The following CEP112 variants were observed in gnomAD, a reference collection of about 807,000 sequenced individuals.
CEP112 encodes centrosomal protein of 112 kDa.
Under a neutral mutation model 153.0 loss-of-function variants are expected in CEP112, and 127 were observed. The observed-to-expected ratio is 0.83, with a 90% CI of 0.72 to 0.96. The LOEUF is 0.96. CEP112 is among the 40% of genes least tolerant of loss of function. The probability of loss-of-function intolerance (pLI) is 0.00; values close to 1 mark genes in which losing one functional copy is unlikely to be tolerated. For missense variants in CEP112, 1,089 were observed against 1,101.2 expected, an observed-to-expected ratio of 0.99 and a Z score of 0.16; for synonymous variants, 358 against 374.4, an observed-to-expected ratio of 0.96 and a Z score of 0.51.
chr17:65,653,846 G>A (rs1318642110), intron 24 of CEP112, among the ~76,000 whole-genome samples: 1 of 151,998 alleles, frequency 6.6e-6, no homozygotes, highest in African/African-American at 2.4e-5. Context: ...AGACCACAAG[G>A]TCAGGAGGTC....
rs76116960 is a variant in CEP112, at chr17:65,783,733, C to T, written c.2395-33009G>A. On this transcript the variant is annotated intron_variant, in intron 21 of 26. Transcript: ENST00000535342. ...CCCATACAAAACATGTCTTATTTCC[C>T]CGTTCAGTTGACAAAAATAAGGTGT... 8.3e-3 allele frequency among the ~76,000 whole-genome samples: 1,259 copies of T among 152,224 alleles called. 14 individuals carry two copies. The highest frequency in any genetic ancestry group is 0.02 in the South Asian group (97 of 4,814).
intron 21 of CEP112, among the ~76,000 whole-genome samples, chr17:65,797,880 T>G (rs185949226): frequency 6.6e-6 from 1 of 152,276 alleles, no homozygotes; most frequent in East Asian, 1.9e-4. Flanking sequence ...CCCTGATAAA[T>G]CAGTGGAGGG....
chr17:65,913,678 G>C, intron 19 of CEP112: 1 of 985,314 alleles, frequency 1.0e-6, no homozygotes, highest in Non-Finnish European at 1.2e-6. Context: ...TGGTACCAGG[G>C]CCTGCCAGCA....
intron 21 of CEP112, among the ~76,000 whole-genome samples, chr17:65,775,254 C>T (rs143800156): frequency 5.9e-4 from 89 of 152,076 alleles, no homozygotes; most frequent in African/African-American, 2.1e-3. Flanking sequence ...AGCTGGGACA[C>T]GGAGTCAGAG....
intron 20 of CEP112, among the ~76,000 whole-genome samples, chr17:65,878,317 G>C (rs139826616): frequency 3.1e-4 from 47 of 152,220 alleles, no homozygotes; most frequent in Admixed American, 1.8e-3. Flanking sequence ...ATCAAATTAT[G>C]CATCTTAAAC....
chr17:65,959,545 T>G (rs1332443505), intron 18 of CEP112, among the ~76,000 whole-genome samples: 1 of 152,214 alleles, frequency 6.6e-6, no homozygotes, highest in Non-Finnish European at 1.5e-5. Context: ...AGAGAAGAGC[T>G]ACAGCCCCAG....
At chr17:65,882,488 C>G (rs2059120468) in intron 20 of CEP112, among the ~76,000 whole-genome samples, 1 of 152,150 alleles carries the variant, frequency 6.6e-6, no homozygotes, top group Non-Finnish European at 1.5e-5. Context: ...TTTTAGAAAT[C>G]TGAGGGTTAA....
intron 6 of CEP112, among the ~76,000 whole-genome samples, chr17:66,114,959 C>T (rs912706473): frequency 6.6e-6 from 1 of 151,972 alleles, no homozygotes; most frequent in Non-Finnish European, 1.5e-5. Flanking sequence ...CATCCCAACA[C>T]TTTAGGAGGC....
intron 6 of CEP112, among the ~76,000 whole-genome samples, chr17:66,102,947 G>A (rs2146321975): frequency 6.6e-6 from 1 of 152,174 alleles, no homozygotes; most frequent in Non-Finnish European, 1.5e-5. Context: ...AAACTAGCCA[G>A]GTGTGGTGGC....
At chr17:65,798,918 T>C (rs1272129631) in intron 21 of CEP112, among the ~76,000 whole-genome samples, 1 of 152,156 alleles carries the variant, frequency 6.6e-6, no homozygotes, top group African/African-American at 2.4e-5. Context: ...TTTTTATTAA[T>C]GACCGAAAGC....
chr17:65,786,572 CTTTTTTT>C (rs1195368604), intron 21 of CEP112, among the ~76,000 whole-genome samples: 1 of 101,632 alleles, frequency 9.8e-6, no homozygotes, highest in Admixed American at 1.0e-4. Context: ...TTAGCCAATT[CTTTTTTT>C]TTTTTTTTTT....
intron 21 of CEP112, among the ~76,000 whole-genome samples, chr17:65,782,617 A>G (rs1469251801): frequency 1.3e-5 from 2 of 152,246 alleles, no homozygotes; most frequent in Non-Finnish European, 1.5e-5. Context: ...GTATTGCATA[A>G]AGAAAATGTG....
At chr17:65,839,805 G>A (rs563875058) in intron 21 of CEP112, among the ~76,000 whole-genome samples, 4 of 151,998 alleles carry the variant, frequency 2.6e-5, no homozygotes, top group East Asian at 3.9e-4. Context: ...GTTAGAACCA[G>A]TAAACAAATT....
intron 22 of CEP112, among the ~76,000 whole-genome samples, chr17:65,743,852 C>T (rs2051279297): frequency 6.6e-6 from 1 of 151,876 alleles, no homozygotes; most frequent in African/African-American, 2.4e-5. Context: ...ACCTCCACTT[C>T]CTGGGTTCAA....
intron 21 of CEP112, chr17:65,826,545 T>G: frequency 7.5e-7 from 1 of 1,330,976 alleles, no homozygotes. Context: ...TCAGCTAATG[T>G]GATGCCAGGG....
In CEP112 at chr17:66,097,600, T is replaced by C. The variant is rs73992239; in HGVS notation, c.643-968A>G. ...TATGTCCACTCTCTCATAGCCCTTA[T>C]GTAATACTTTGAGTGTTTATCAGTA... On this transcript the variant is annotated intron_variant, in intron 6 of 26. Transcript: ENST00000535342. 7.5e-3 allele frequency among the ~76,000 whole-genome samples: 1,149 copies of C among 152,318 alleles called. 16 individuals carry two copies. The highest frequency in any genetic ancestry group is 0.026 in the African/African-American group (1,067 of 41,576).
chr17:66,125,938 A>T (rs1417117862), intron 6 of CEP112, among the ~76,000 whole-genome samples: 2 of 152,192 alleles, frequency 1.3e-5, no homozygotes. Context: ...TTAAACCATC[A>T]GTCAATAATG....
intron 4 of CEP112, among the ~76,000 whole-genome samples, chr17:66,141,229 C>T (rs775109947): frequency 6.6e-6 from 1 of 151,376 alleles, no homozygotes; most frequent in East Asian, 1.9e-4. Flanking sequence ...AATATTTAAT[C>T]TGCTGTTTTC....
At chr17:65,708,828 T>G (rs1198292651) in intron 23 of CEP112, among the ~76,000 whole-genome samples, 1 of 152,350 alleles carries the variant, frequency 6.6e-6, no homozygotes, top group East Asian at 1.9e-4. Context: ...GTACTTTTAC[T>G]TCCTGTTTGT....
Sources: gnomAD v4.1 joint callset for allele counts (sites outside exome capture counted in the v4.1 genomes callset) on GRCh38, gnomAD v4.1.1 for gene constraint, MANE v1.5 for transcripts, NCBI Gene and HGNC (gene_info 2026-07-23, HGNC 2026-07-21) for gene names.